The following THEMIS variants were observed in gnomAD, a reference collection of about 807,000 sequenced individuals.
THEMIS encodes protein THEMIS.
Under a neutral mutation model 52.6 loss-of-function variants are expected in THEMIS, and 37 were observed. The ratio of observed to expected loss-of-function variants is 0.70; its 90% CI spans 0.54 to 0.93. The LOEUF (loss-of-function observed/expected upper bound fraction) is 0.93, where lower values mean the gene tolerates loss of function less well. THEMIS is among the 40% of genes least tolerant of loss of function. THEMIS has a pLI of 0.00. For missense variants in THEMIS, 808 were observed against 763.1 expected, an observed-to-expected ratio of 1.06 and a Z score of -0.69; for synonymous variants, 292 against 272.7, an observed-to-expected ratio of 1.07 and a Z score of -0.70.
chr6:127,748,500 G>A (rs571051879), intron 4 of THEMIS, among the ~76,000 whole-genome samples: 58 of 152,172 alleles, frequency 3.8e-4, no homozygotes, highest in African/African-American at 1.3e-3. Context: ...AGTCCTGCAA[G>A]AGCAGTAGTA....
chr6:127,719,150 C>T (rs1293187038), intron 5 of THEMIS, among the ~76,000 whole-genome samples: 1 of 151,862 alleles, frequency 6.6e-6, no homozygotes, highest in Non-Finnish European at 1.5e-5. Context: ...TCCCAAATTT[C>T]TGCCATATGG....
At chr6:127,737,540 TA>T (rs1775050787) in intron 4 of THEMIS, among the ~76,000 whole-genome samples, 1 of 152,210 alleles carries the variant, frequency 6.6e-6, no homozygotes, top group South Asian at 2.1e-4. Flanking sequence ...AATATTTACT[TA>T]AAACATTTTC....
intron 3 of THEMIS, among the ~76,000 whole-genome samples, chr6:127,821,651 A>G (rs1778345117): frequency 6.6e-6 from 1 of 151,618 alleles, no homozygotes; most frequent in East Asian, 1.9e-4. Context: ...AATGCTAATC[A>G]TAATGTGGTG....
Position 127,732,804 on chromosome 6 carries a change from T to C in THEMIS, c.1759-12981A>G, listed in dbSNP as rs9372879. The stretch of plus-strand genomic sequence containing the variant: ...GTTACAAATAATGCTGTTGTGAATA[T>C]TCCTGTTCATGTCTTTTTGTGCACG... On this transcript the variant is annotated intron_variant, in intron 4 of 5. Coordinates refer to ENST00000368248, the MANE Select transcript of THEMIS (RefSeq NM_001010923.3). Among the ~76,000 whole-genome samples the C allele has an allele frequency of 0.036, 5,497 of 152,338 alleles. 736 individuals are homozygous for C. In the East Asian group the frequency reaches 0.41, roughly 11 times the overall value.
intron 1 of THEMIS, among the ~76,000 whole-genome samples, chr6:127,877,935 A>G: frequency 6.6e-6 from 1 of 152,204 alleles, no homozygotes; most frequent in East Asian, 1.9e-4. Context: ...TTTTAACCAC[A>G]GGGAAAGGAT....
chr6:127,858,471 C>T (rs958349873), intron 1 of THEMIS, among the ~76,000 whole-genome samples: 1 of 152,152 alleles, frequency 6.6e-6, no homozygotes, highest in Non-Finnish European at 1.5e-5. Flanking sequence ...TGATAGGTGA[C>T]AGGGACATAT....
upstream of THEMIS, among the ~76,000 whole-genome samples, chr6:127,905,543 G>C (rs760780636): frequency 3.9e-5 from 6 of 151,988 alleles, no homozygotes; most frequent in Non-Finnish European, 5.9e-5. Context: ...AGAAAGTCAA[G>C]ACCACAGGAA....
chr6:127,743,556 G>T (rs1715598161), intron 4 of THEMIS, among the ~76,000 whole-genome samples: 1 of 152,122 alleles, frequency 6.6e-6, no homozygotes, highest in Non-Finnish European at 1.5e-5. Flanking sequence ...GGTTTCTTAG[G>T]ATAGAGTCTT....
chr6:127,744,851 A>C (rs1775333261), intron 4 of THEMIS, among the ~76,000 whole-genome samples: 1 of 151,942 alleles, frequency 6.6e-6, no homozygotes, highest in African/African-American at 2.4e-5. Flanking sequence ...ATACACACAC[A>C]CACACACACA....
chr6:127,874,656 A>G (rs1780260657), intron 1 of THEMIS, among the ~76,000 whole-genome samples: 1 of 152,232 alleles, frequency 6.6e-6, no homozygotes, highest in Admixed American at 6.5e-5. Flanking sequence ...CAAGTGTACT[A>G]AACTTCACAT....
intron 4 of THEMIS, among the ~76,000 whole-genome samples, chr6:127,810,237 A>G (rs1777856428): frequency 6.6e-6 from 1 of 151,924 alleles, no homozygotes; most frequent in African/African-American, 2.4e-5. Flanking sequence ...TTCTGATGGT[A>G]GTGGACATCT....
At chr6:127,723,346 G>A (rs1774428415) in intron 4 of THEMIS, among the ~76,000 whole-genome samples, 2 of 151,708 alleles carry the variant, frequency 1.3e-5, no homozygotes. Flanking sequence ...TCCTTCTTTT[G>A]GTTTCTGATG....
At chr6:127,712,550 T>G (rs1400509923) in intron 5 of THEMIS, among the ~76,000 whole-genome samples, 1 of 151,954 alleles carries the variant, frequency 6.6e-6, no homozygotes, top group African/African-American at 2.4e-5. Context: ...TGTCACAAGT[T>G]CAATAAAGAG....
chr6:127,884,611 C>T (rs1780589677), intron 1 of THEMIS, among the ~76,000 whole-genome samples: 1 of 152,110 alleles, frequency 6.6e-6, no homozygotes, highest in Non-Finnish European at 1.5e-5. Context: ...TGCTATTAAC[C>T]CCTTGCTGTT....
chr6:127,812,844 A>G lies in THEMIS; in HGVS notation c.1758+39T>C, dbSNP rs1396265267. On this transcript the variant is annotated intron_variant, in intron 4 of 5. Coordinates refer to ENST00000368248, the MANE Select transcript of THEMIS (RefSeq NM_001010923.3). ...GACTTGAAACAAATTGCCTGAAGGA[A>G]CACACTCCAGAGAAAACATTGCAAA... is the stretch of plus-strand genomic sequence containing the variant. The G allele has an allele frequency of 2.6e-6, 4 of 1,521,352 alleles. No homozygotes were observed. In the Admixed American group the frequency reaches 6.5e-5, roughly 25 times the overall value. 94.2% of individuals were successfully genotyped at this position (1,521,352 alleles called of 1,614,324 possible).
chr6:127,822,881 T>C, intron 3 of THEMIS, among the ~76,000 whole-genome samples: 1 of 152,086 alleles, frequency 6.6e-6, no homozygotes, highest in East Asian at 1.9e-4. Flanking sequence ...AACTGCAGCA[T>C]TAACTTTTGC....
chr6:127,700,129 C>T, the THEMIS span, among the ~76,000 whole-genome samples: 4,171 of 151,646 alleles, frequency 0.028, 101 homozygotes, highest in Non-Finnish European at 0.041. Flanking sequence ...AAATGAAAAC[C>T]TATTCTAAAT....
intron 4 of THEMIS, among the ~76,000 whole-genome samples, chr6:127,744,173 A>T (rs1775302956): frequency 6.6e-6 from 1 of 151,990 alleles, no homozygotes. Flanking sequence ...TTTGTTCAGG[A>T]TGTTAAAGAG....
chr6:127,709,864 G>GCGA lies in THEMIS; in HGVS notation c.*118_*120dup, dbSNP rs1249031076. On this transcript the variant is annotated 3_prime_UTR_variant, in exon 6 of 6. Transcript: ENST00000368248. ...TTTTAAGGTTGTTCTTTCCTTTGCA[G>GCGA]CGATGAATCAAGTTTCTTCTGGAGT... 2.5e-6 allele frequency: 2 copies of GCGA among 803,678 alleles called. No individual in the cohort carries two copies. Among genetic ancestry groups the GCGA allele is most frequent in the Non-Finnish European group, 4.0e-6 (2 of 505,458 alleles). 49.8% of individuals were successfully genotyped at this position (803,678 alleles called of 1,614,324 possible). A position where few individuals can be genotyped will look rare whatever the true frequency, so the allele number is the denominator to read the frequency against.
Sources: allele counts gnomAD v4.1 joint callset (sites outside exome capture counted in the v4.1 genomes callset), GRCh38; gene constraint gnomAD v4.1.1; transcripts MANE v1.5; gene names NCBI Gene and HGNC (gene_info 2026-07-23, HGNC 2026-07-21).